ZHX2: variants seen among roughly 807,000 people sequenced by gnomAD.
ZHX2 encodes the protein zinc fingers and homeoboxes protein 2.
Under a neutral mutation model 21.9 loss-of-function variants are expected in ZHX2, and 6 were observed. The ratio of observed to expected loss-of-function variants is 0.27; its 90% CI spans 0.15 to 0.54. The LOEUF is 0.54. ZHX2 is among the 20% of genes least tolerant of loss of function. ZHX2 has a pLI of 0.95. For missense variants in ZHX2, 908 were observed against 1,090.7 expected, an observed-to-expected ratio of 0.83 and a Z score of 2.36; for synonymous variants, 434 against 437.1, an observed-to-expected ratio of 0.99 and a Z score of 0.09.
At chr8:122,841,117 G>A (rs549797815) in intron 1 of ZHX2, among the ~76,000 whole-genome samples, 17 of 152,130 alleles carry the variant, frequency 1.1e-4, no homozygotes, top group South Asian at 8.3e-4. Context: ...GCAGCATTAC[G>A]TACTGCTGCC....
chr8:122,798,801 C>CA (rs35258860), intron 1 of ZHX2, among the ~76,000 whole-genome samples: 9,960 of 128,760 alleles, frequency 0.077, 457 homozygotes, highest in African/African-American at 0.14. Context: ...GAGACTGTCT[C>CA]AAAAAAAAAA....
In ZHX2 at chr8:122,875,163, A is replaced by T. The variant is rs1418389306; in HGVS notation, c.-220+11624A>T. 3.1e-3 allele frequency among the ~76,000 whole-genome samples: 156 copies of T among 49,868 alleles called. 4 individuals are homozygous for T. Among genetic ancestry groups the T allele is most frequent in the Middle Eastern group, 0.019 (2 of 108 alleles). 32.7% of individuals were successfully genotyped at this position (49,868 alleles called of 152,430 possible). The stretch of plus-strand genomic sequence containing the variant: ...TATATATATATATATATATATATAT[A>T]TATATATATATATATATATATATAT... On this transcript the variant is annotated intron_variant, in intron 2 of 3. Coordinates refer to ENST00000314393, the MANE Select transcript of ZHX2 (RefSeq NM_014943.5).
At chr8:122,935,745 C>G (rs1437522082) in intron 2 of ZHX2, among the ~76,000 whole-genome samples, 4 of 152,028 alleles carry the variant, frequency 2.6e-5, no homozygotes, top group Non-Finnish European at 5.9e-5. Context: ...CCATGTTAGC[C>G]AGGATTGTCT....
chr8:122,784,993 T>C (rs1817364706), intron 1 of ZHX2, among the ~76,000 whole-genome samples: 1 of 152,214 alleles, frequency 6.6e-6, no homozygotes, highest in African/African-American at 2.4e-5. Flanking sequence ...GCTGGTGGGA[T>C]ACACACCCCC....
intron 3 of ZHX2, among the ~76,000 whole-genome samples, chr8:122,959,191 T>G (rs1321271290): frequency 6.6e-6 from 1 of 152,190 alleles, no homozygotes; most frequent in Non-Finnish European, 1.5e-5. Context: ...GTCAACAGTT[T>G]CCAACTCCTG....
At chr8:122,968,111 C>T (rs1813629022) in intron 3 of ZHX2, among the ~76,000 whole-genome samples, 1 of 152,104 alleles carries the variant, frequency 6.6e-6, no homozygotes. Context: ...CAAATCCACC[C>T]CTACACCCAC....
intron 1 of ZHX2, among the ~76,000 whole-genome samples, chr8:122,785,319 A>G (rs536838202): frequency 6.6e-6 from 1 of 152,292 alleles, no homozygotes; most frequent in African/African-American, 2.4e-5. Context: ...TGAGGGGTAA[A>G]GGGAGATGAT....
chr8:122,884,996 A>G (rs531799735), intron 2 of ZHX2, among the ~76,000 whole-genome samples: 156 of 152,282 alleles, frequency 1.0e-3, no homozygotes, highest in Non-Finnish European at 1.5e-3. Flanking sequence ...GGTCAGTGTA[A>G]AAAGATGGAT....
intron 1 of ZHX2, among the ~76,000 whole-genome samples, chr8:122,827,049 C>A (rs1219828235): frequency 6.6e-6 from 1 of 152,096 alleles, no homozygotes; most frequent in African/African-American, 2.4e-5. Flanking sequence ...TATTTTCAGG[C>A]AGGATCTCGC....
chr8:122,960,626 G>A (rs1267676913), intron 3 of ZHX2, among the ~76,000 whole-genome samples: 1 of 152,142 alleles, frequency 6.6e-6, no homozygotes, highest in African/African-American at 2.4e-5. Context: ...GAGCATGCTG[G>A]GCAGAGAGGA....
chr8:122,790,796 C>T (rs539763084), intron 1 of ZHX2, among the ~76,000 whole-genome samples: 6 of 151,990 alleles, frequency 3.9e-5, no homozygotes, highest in Non-Finnish European at 8.8e-5. Context: ...TTAGTAGAGA[C>T]GGGGTTTCAC....
At chr8:122,949,962 A>G (rs1813068804) in intron 2 of ZHX2, among the ~76,000 whole-genome samples, 1 of 152,110 alleles carries the variant, frequency 6.6e-6, no homozygotes, top group African/African-American at 2.4e-5. Context: ...TAACAGTAGT[A>G]TTTTACTACT....
upstream of ZHX2, chr8:122,781,451 G>A: frequency 6.6e-6 from 1 of 151,596 alleles, no homozygotes. This position sits in a 1 kb window ranked among gnomAD's most constrained non-coding sequence, Gnocchi z 4.6. Context: ...AGACTTTTAA[G>A]TTAATTTACT....
At chr8:122,924,263 C>T (rs1292314906) in intron 2 of ZHX2, among the ~76,000 whole-genome samples, 1 of 152,174 alleles carries the variant, frequency 6.6e-6, no homozygotes, top group African/African-American at 2.4e-5. Flanking sequence ...TGCTGGGCAC[C>T]TCAGGCTTCC....
chr8:122,906,645 A>C (rs1467919237), intron 2 of ZHX2, among the ~76,000 whole-genome samples: 1 of 148,300 alleles, frequency 6.7e-6, no homozygotes, highest in Non-Finnish European at 1.5e-5. Flanking sequence ...TACTTTAAAC[A>C]CTTCTGTATC....
intron 1 of ZHX2, among the ~76,000 whole-genome samples, chr8:122,813,018 AAAC>A (rs1817961860): frequency 6.6e-6 from 1 of 152,164 alleles, no homozygotes; most frequent in South Asian, 2.1e-4. Flanking sequence ...CAACATGGAG[AAAC>A]CCCATCTCTA....
chr8:122,808,896 T>C (rs1180058185), intron 1 of ZHX2: 1 of 152,260 alleles, frequency 6.6e-6, no homozygotes, highest in Non-Finnish European at 1.5e-5. Flanking sequence ...GTCAATGTTG[T>C]TTCATTTTGT....
chr8:122,864,949 C>T (rs1400623645), intron 2 of ZHX2, among the ~76,000 whole-genome samples: 1 of 152,150 alleles, frequency 6.6e-6, no homozygotes, highest in Admixed American at 6.5e-5. Context: ...TACCAAGGGC[C>T]CCTGAGGGCA....
intron 1 of ZHX2, among the ~76,000 whole-genome samples, chr8:122,806,204 C>T (rs1817820030): frequency 6.6e-6 from 1 of 152,168 alleles, no homozygotes; most frequent in South Asian, 2.1e-4. Flanking sequence ...AAAGCTCAGC[C>T]TGAATCTGAA....
Sources: gnomAD v4.1 joint callset for allele counts (sites outside exome capture counted in the v4.1 genomes callset) on GRCh38, gnomAD v4.1.1 for gene constraint, Gnocchi (gnomAD v3.1) non-coding constraint, MANE v1.5 for transcripts, NCBI Gene and HGNC (gene_info 2026-07-23, HGNC 2026-07-21) for gene names.